CDH12: variants seen among roughly 807,000 people sequenced by gnomAD.
CDH12 encodes the protein cadherin-12.
Under a neutral mutation model 74.1 loss-of-function variants are expected in CDH12, and 41 were observed. That is an observed-to-expected ratio of 0.55 (90% CI 0.43 to 0.72). CDH12 has a LOEUF of 0.72. Ranked by LOEUF, CDH12 falls within the 30% of genes least tolerant of loss-of-function variation. The pLI, the probability that CDH12 is intolerant of heterozygous loss-of-function variation, is 0.00. For synonymous variants in CDH12, 399 were observed against 355.0 expected, an observed-to-expected ratio of 1.12 and a Z score of -1.39; for missense variants, 945 against 977.2, an observed-to-expected ratio of 0.97 and a Z score of 0.44.
chr5:21,923,138 A>G (rs1287135122), intron 6 of CDH12, among the ~76,000 whole-genome samples: 1 of 152,098 alleles, frequency 6.6e-6, no homozygotes, highest in Non-Finnish European at 1.5e-5. Flanking sequence ...TTAACTTCCT[A>G]TCTATACTAT....
chr5:21,883,365 C>T (rs955281682), intron 6 of CDH12: 43 of 1,530,780 alleles, frequency 2.8e-5, no homozygotes, highest in African/African-American at 1.4e-5. Flanking sequence ...GTCCATTGTA[C>T]CTGCTCTTGA....
At chr5:22,625,495 G>C (rs1223150092) in intron 1 of CDH12, among the ~76,000 whole-genome samples, 1 of 152,182 alleles carries the variant, frequency 6.6e-6, no homozygotes, top group African/African-American at 2.4e-5. Flanking sequence ...ATGCCAGCCT[G>C]TATGGAGCCC....
chr5:22,754,462 C>G (rs896300659), intron 1 of CDH12, among the ~76,000 whole-genome samples: 1 of 150,876 alleles, frequency 6.6e-6, no homozygotes, highest in Non-Finnish European at 1.5e-5. Context: ...GGTACTATGG[C>G]ATCTGCTGTG....
chr5:21,930,432 T>C (rs1206909915), intron 6 of CDH12, among the ~76,000 whole-genome samples: 1 of 152,222 alleles, frequency 6.6e-6, no homozygotes, highest in Non-Finnish European at 1.5e-5. Flanking sequence ...ATATCCATAT[T>C]TGCCAGGGAC....
At chr5:22,549,397 C>T (rs1738469203) in intron 1 of CDH12, among the ~76,000 whole-genome samples, 1 of 151,796 alleles carries the variant, frequency 6.6e-6, no homozygotes, top group South Asian at 2.1e-4. Flanking sequence ...AAAAAGTTTA[C>T]TTTCTTATCA....
At chr5:21,826,965 G>C (rs756467769) in intron 8 of CDH12, among the ~76,000 whole-genome samples, 1 of 151,980 alleles carries the variant, frequency 6.6e-6, no homozygotes, top group Non-Finnish European at 1.5e-5. Flanking sequence ...TCATTGCTGT[G>C]GTGTAAGAGC....
At chr5:22,643,214 C>G (rs548717184) in intron 1 of CDH12, among the ~76,000 whole-genome samples, 157 of 152,256 alleles carry the variant, frequency 1.0e-3, no homozygotes, top group African/African-American at 3.6e-3. Context: ...ATCGTTTTCT[C>G]AGCCCATAAG....
intron 9 of CDH12, among the ~76,000 whole-genome samples, chr5:21,811,517 A>G (rs1009077703): frequency 3.3e-5 from 5 of 152,160 alleles, no homozygotes; most frequent in African/African-American, 9.6e-5. Context: ...TAGCAAAAAA[A>G]ACACTAGTGA....
chr5:22,775,561 A>C (rs888912844), intron 1 of CDH12, among the ~76,000 whole-genome samples: 11 of 145,478 alleles, frequency 7.6e-5, no homozygotes, highest in Non-Finnish European at 1.7e-4. Flanking sequence ...ATTGGGCAAC[A>C]AAAAAAAACT....
intron 3 of CDH12, among the ~76,000 whole-genome samples, chr5:22,322,804 G>A (rs1362665986): frequency 2.0e-5 from 3 of 151,950 alleles, no homozygotes; most frequent in Non-Finnish European, 2.9e-5. Context: ...TTTTGATCTC[G>A]CCCACTGAAT....
intron 1 of CDH12, among the ~76,000 whole-genome samples, chr5:22,554,322 T>C (rs1415412758): frequency 1.3e-5 from 2 of 152,094 alleles, no homozygotes; most frequent in East Asian, 3.9e-4. Flanking sequence ...CTGATAATGA[T>C]GTGTCCATGT....
At chr5:22,213,226 A>C (rs999288875) in intron 3 of CDH12, among the ~76,000 whole-genome samples, 4 of 151,996 alleles carry the variant, frequency 2.6e-5, no homozygotes, top group African/African-American at 9.7e-5. Flanking sequence ...CCAGAGTGCA[A>C]CTCTCTGAAT....
At chr5:22,088,054 A>T (rs541346064) in intron 4 of CDH12, among the ~76,000 whole-genome samples, 2 of 152,296 alleles carry the variant, frequency 1.3e-5, no homozygotes, top group Middle Eastern at 3.4e-3. Flanking sequence ...GACTGAATTT[A>T]AAAAAATGAT....
At chr5:22,741,973 G>A (rs1745048111) in intron 1 of CDH12, among the ~76,000 whole-genome samples, 1 of 152,172 alleles carries the variant, frequency 6.6e-6, no homozygotes, top group Non-Finnish European at 1.5e-5. Context: ...CTGAGGTCAG[G>A]AGTTCGAGAC....
chr5:22,682,668 T>G lies in CDH12; in HGVS notation c.-523+170390A>C, dbSNP rs192606799. ...TATAAGCAGTCCTCTAAAACCCTAA[T>G]TTTTCTATACTTTTGAAAGTTTTTA... On this transcript the variant is annotated intron_variant, in intron 1 of 14. Transcript: ENST00000382254. Among the ~76,000 whole-genome samples the G allele has an allele frequency of 4.1e-3, 630 of 152,024 alleles. 3 individuals carry two copies. Among genetic ancestry groups the G allele is most frequent in the African/African-American group, 0.015 (606 of 41,514 alleles).
At chr5:22,283,226 ATATATAT>A (rs1158427941) in intron 3 of CDH12, among the ~76,000 whole-genome samples, 39,805 of 102,180 alleles carry the variant, frequency 0.39, 6,884 homozygotes, top group East Asian at 0.5. Context: ...AGATATATAT[ATATATAT>A]ATATATATAT....
At chr5:21,894,889 A>G (rs959306422) in intron 6 of CDH12, among the ~76,000 whole-genome samples, 1 of 152,172 alleles carries the variant, frequency 6.6e-6, no homozygotes, top group African/African-American at 2.4e-5. Flanking sequence ...TCCCATATTT[A>G]TAATAACTGC....
chr5:22,848,568 C>T (rs1426785228), intron 1 of CDH12, among the ~76,000 whole-genome samples: 1 of 152,148 alleles, frequency 6.6e-6, no homozygotes, highest in African/African-American at 2.4e-5. Flanking sequence ...CTTTGCTTCC[C>T]AGTCCTTCTT....
chr5:22,331,581 G>A (rs1201993542), intron 3 of CDH12, among the ~76,000 whole-genome samples: 3 of 152,116 alleles, frequency 2.0e-5, no homozygotes, highest in Admixed American at 6.5e-5. Flanking sequence ...AATAAGCCCA[G>A]GATGTAAAGA....
Sources: gnomAD v4.1 joint callset for allele counts (sites outside exome capture counted in the v4.1 genomes callset) on GRCh38, gnomAD v4.1.1 for gene constraint, MANE v1.5 for transcripts, NCBI Gene and HGNC (gene_info 2026-07-23, HGNC 2026-07-21) for gene names.